QKI: variants seen among roughly 807,000 people sequenced by gnomAD.
QKI encodes KH domain-containing RNA-binding protein QKI.
A neutral mutation model predicts 39.0 loss-of-function variants in QKI; 10 were observed. That is an observed-to-expected ratio of 0.26 (90% CI 0.16 to 0.43). The LOEUF (loss-of-function observed/expected upper bound fraction) is 0.43. QKI is among the 20% of genes least tolerant of loss of function. The pLI is 1.00. For synonymous variants in QKI, 204 were observed against 155.4 expected, an observed-to-expected ratio of 1.31 and a Z score of -2.33; for missense variants, 218 against 428.0, an observed-to-expected ratio of 0.51 and a Z score of 4.33.
At chr6:163,426,030 TTG>T (rs1788376848) in intron 1 of QKI, among the ~76,000 whole-genome samples, 1 of 152,230 alleles carries the variant, frequency 6.6e-6, no homozygotes, top group African/African-American at 2.4e-5. Context: ...AGATACATAT[TTG>T]TGTATCTTTA....
At chr6:163,492,993 A>G (rs1176795160) in intron 3 of QKI, among the ~76,000 whole-genome samples, 1 of 152,162 alleles carries the variant, frequency 6.6e-6, no homozygotes, top group East Asian at 1.9e-4. Context: ...AAAAATTTAG[A>G]TAATTCTGGT....
At chr6:163,514,699 C>T (rs1010868652) in intron 3 of QKI, among the ~76,000 whole-genome samples, 1 of 151,934 alleles carries the variant, frequency 6.6e-6, no homozygotes, top group African/African-American at 2.4e-5. Flanking sequence ...AAGTGGGAAG[C>T]GTGAATTTAA....
chr6:163,557,818 TAAAAAAAAAAAA>T (rs563335411), intron 4 of QKI, among the ~76,000 whole-genome samples: 1 of 142,404 alleles, frequency 7.0e-6, no homozygotes, highest in Non-Finnish European at 1.6e-5. Flanking sequence ...CACAAAAACT[TAAAAAAAAAAAA>T]AGAAATATCG....
chr6:163,463,519 G>A (rs75364486), intron 2 of QKI, among the ~76,000 whole-genome samples: 5,901 of 152,168 alleles, frequency 0.039, 399 homozygotes, highest in African/African-American at 0.14. Flanking sequence ...GCAGCAAAGG[G>A]GAAAAATTAA....
intron 3 of QKI, among the ~76,000 whole-genome samples, chr6:163,502,673 G>A (rs1308371115): frequency 6.6e-6 from 1 of 152,076 alleles, no homozygotes; most frequent in African/African-American, 2.4e-5. Context: ...TTTTATACAT[G>A]AACTCACTAA....
intron 4 of QKI, among the ~76,000 whole-genome samples, chr6:163,550,879 G>A (rs181005150): frequency 2.6e-4 from 39 of 151,722 alleles, no homozygotes; most frequent in East Asian, 7.8e-4. Flanking sequence ...CCCAGGAGGC[G>A]GAGCTTGCAG....
At chr6:163,548,586 A>G (rs2128245565) in intron 4 of QKI, among the ~76,000 whole-genome samples, 1 of 152,326 alleles carries the variant, frequency 6.6e-6, no homozygotes, top group Admixed American at 6.5e-5. Context: ...GTTTTTTAAA[A>G]GATTGTAATA....
intron 7 of QKI, chr6:163,570,253 A>T: frequency 1.0e-6 from 1 of 982,286 alleles, no homozygotes; most frequent in South Asian, 4.7e-5. Flanking sequence ...ATCCATCATT[A>T]ATAGTTGCTT....
chr6:163,577,461 T>C lies in QKI; in HGVS notation c.*6751T>C. The C allele has an allele frequency of 6.6e-6, 1 of 152,152 alleles. No individual in the cohort carries two copies. Among genetic ancestry groups the C allele is most frequent in the East Asian group, 1.9e-4 (1 of 5,190 alleles). 9.4% of individuals were successfully genotyped at this position (152,152 alleles called of 1,614,324 possible). A position where few individuals can be genotyped will look rare whatever the true frequency, so the allele number is the denominator to read the frequency against. On this transcript the variant is annotated 3_prime_UTR_variant, in exon 8 of 8. Coordinates refer to ENST00000361752, the MANE Select transcript of QKI (RefSeq NM_006775.3). ...TTTTAATTCTTCACAAAATCTGCTCTTCCTGAAAGATCAAAGTGTCTAGAA... is the reference window on the plus strand; with the variant it reads ...TTTTAATTCTTCACAAAATCTGCTCCTCCTGAAAGATCAAAGTGTCTAGAA...
intron 3 of QKI, among the ~76,000 whole-genome samples, chr6:163,488,425 TAC>T (rs1047678754): frequency 3.9e-5 from 6 of 152,202 alleles, no homozygotes; most frequent in African/African-American, 1.4e-4. Flanking sequence ...AGCTGTGAAA[TAC>T]ACACGAATAT....
intron 3 of QKI, among the ~76,000 whole-genome samples, chr6:163,484,887 A>G (rs1793347971): frequency 6.6e-6 from 1 of 152,204 alleles, no homozygotes; most frequent in African/African-American, 2.4e-5. Context: ...AATTGAGCAC[A>G]TGGTGTTGGA....
chr6:163,515,323 G>A (rs1402604017), intron 3 of QKI, among the ~76,000 whole-genome samples: 1 of 151,206 alleles, frequency 6.6e-6, no homozygotes, highest in Non-Finnish European at 1.5e-5. Context: ...CTAATAGTGT[G>A]TGTTTTTTTT....
chr6:163,522,442 C>CT (rs1780221058), intron 3 of QKI, among the ~76,000 whole-genome samples: 1 of 152,130 alleles, frequency 6.6e-6, no homozygotes, highest in Non-Finnish European at 1.5e-5. Context: ...AGTCTGTGTT[C>CT]TTTCCCCCAC....
chr6:163,517,389 C>T (rs957167252), intron 3 of QKI, among the ~76,000 whole-genome samples: 9 of 152,096 alleles, frequency 5.9e-5, no homozygotes, highest in African/African-American at 2.2e-4. Context: ...TTTCTCACAG[C>T]AGTATCTAGA....
intron 3 of QKI, among the ~76,000 whole-genome samples, chr6:163,534,106 A>C (rs1214682092): frequency 6.6e-6 from 1 of 152,108 alleles, no homozygotes; most frequent in East Asian, 1.9e-4. Context: ...TTCTTATTTT[A>C]TTTAAAAACA....
intron 6 of QKI, chr6:163,564,558 C>T: frequency 1.9e-6 from 3 of 1,578,258 alleles, no homozygotes; most frequent in Non-Finnish European, 2.6e-6. Context: ...TCACTGAATT[C>T]AGAATCTCAC....
At chr6:163,510,570 A>G (rs576197705) in intron 3 of QKI, among the ~76,000 whole-genome samples, 2 of 152,296 alleles carry the variant, frequency 1.3e-5, no homozygotes, top group South Asian at 2.1e-4. Flanking sequence ...AAAAAAATAA[A>G]TGTACAGTTT....
chr6:163,529,461 A>G (rs540609915), intron 3 of QKI, among the ~76,000 whole-genome samples: 117 of 152,324 alleles, frequency 7.7e-4, no homozygotes, highest in Non-Finnish European at 1.2e-3. Flanking sequence ...CTGATATTCA[A>G]CTTGGAGCAA....
At chr6:163,515,633 TA>T (rs1301701103) in intron 3 of QKI, among the ~76,000 whole-genome samples, 1 of 152,180 alleles carries the variant, frequency 6.6e-6, no homozygotes, top group South Asian at 2.1e-4. Context: ...TTATTCTGTA[TA>T]TTTGATTAGT....
Sources: allele counts gnomAD v4.1 joint callset (sites outside exome capture counted in the v4.1 genomes callset), GRCh38; gene constraint gnomAD v4.1.1; transcripts MANE v1.5; gene names NCBI Gene and HGNC (gene_info 2026-07-23, HGNC 2026-07-21).